The following LHFPL6 variants were observed in gnomAD, a reference collection of about 807,000 sequenced individuals.
LHFPL6 encodes the protein LHFPL tetraspan subfamily member 6.
LHFPL6 carries 9 observed loss-of-function variants against 20.6 expected under a neutral mutation model. The ratio of observed to expected loss-of-function variants is 0.44; its 90% CI spans 0.26 to 0.76. The LOEUF (loss-of-function observed/expected upper bound fraction) is 0.76. Ranked by LOEUF, LHFPL6 falls within the 30% of genes least tolerant of loss-of-function variation. The pLI is 0.20. For synonymous variants in LHFPL6, 105 were observed against 98.7 expected (o/e 1.06, Z -0.38); for missense variants, 218 against 253.5 (o/e 0.86, Z 0.95).
Position 39,472,269 on chromosome 13 carries a change from T to C in LHFPL6, c.386-93743A>G, listed in dbSNP as rs537149902. On this transcript the variant is annotated intron_variant, in intron 2 of 3. Transcript: ENST00000379589. Reference sequence around the variant, plus strand: ...CTAACAAGTAAAAATCACTGATTCCTTTCCATCCAATCCGAGATGCCTTCC... The same window carrying C: ...CTAACAAGTAAAAATCACTGATTCCCTTCCATCCAATCCGAGATGCCTTCC... 3.3e-5 allele frequency among the ~76,000 whole-genome samples: 5 copies of C among 152,334 alleles called. No individual in the cohort carries two copies. In the East Asian group the frequency reaches 9.7e-4, roughly 29 times the overall value.
At chr13:39,464,169 G>A (rs375831716) in intron 2 of LHFPL6, among the ~76,000 whole-genome samples, 6 of 152,176 alleles carry the variant, frequency 3.9e-5, no homozygotes, top group African/African-American at 1.2e-4. Context: ...CCATGAATTA[G>A]GACTCAAAAG....
chr13:39,578,245 G>A (rs1381271595), intron 2 of LHFPL6, among the ~76,000 whole-genome samples: 1 of 152,030 alleles, frequency 6.6e-6, no homozygotes, highest in African/African-American at 2.4e-5. Context: ...TAGGACAAAA[G>A]CACCCTACTA....
At chr13:39,346,723 T>A (rs1869409354) in intron 3 of LHFPL6, among the ~76,000 whole-genome samples, 2 of 152,112 alleles carry the variant, frequency 1.3e-5, no homozygotes, top group Admixed American at 1.3e-4. Flanking sequence ...GCTGTCTTTT[T>A]AAAAATCAAT....
intron 2 of LHFPL6, among the ~76,000 whole-genome samples, chr13:39,597,535 T>C (rs1872806493): frequency 6.6e-6 from 1 of 152,222 alleles, no homozygotes; most frequent in Non-Finnish European, 1.5e-5. Context: ...ACTATATACA[T>C]GTTAACATTT....
chr13:39,505,494 GTC>G (rs1405076030), intron 2 of LHFPL6, among the ~76,000 whole-genome samples: 2 of 151,076 alleles, frequency 1.3e-5, no homozygotes, highest in Admixed American at 6.6e-5. Context: ...TACGAGAACT[GTC>G]TAAAAAAAAA....
At chr13:39,397,824 G>A (rs1870882127) in intron 2 of LHFPL6, among the ~76,000 whole-genome samples, 1 of 150,986 alleles carries the variant, frequency 6.6e-6, no homozygotes, top group South Asian at 2.1e-4. Context: ...GGGTTACTCA[G>A]AAAGGCCCAA....
At chr13:39,350,112 C>T (rs976987282) in intron 3 of LHFPL6, among the ~76,000 whole-genome samples, 3 of 152,210 alleles carry the variant, frequency 2.0e-5, no homozygotes, top group Admixed American at 6.5e-5. Context: ...ACAATACAGA[C>T]AGAGTCTTTG....
chr13:39,479,884 A>G (rs1013553334), intron 2 of LHFPL6, among the ~76,000 whole-genome samples: 1 of 152,214 alleles, frequency 6.6e-6, no homozygotes, highest in Non-Finnish European at 1.5e-5. Flanking sequence ...ATTCCTACTT[A>G]CAAGTGCCAG....
intron 2 of LHFPL6, among the ~76,000 whole-genome samples, chr13:39,443,011 A>G (rs1240778191): frequency 6.6e-6 from 1 of 152,012 alleles, no homozygotes; most frequent in Non-Finnish European, 1.5e-5. Flanking sequence ...TGTGGCTTCA[A>G]TGCATCCTCC....
At chr13:39,489,531 A>T (rs1868842217) in intron 2 of LHFPL6, among the ~76,000 whole-genome samples, 1 of 147,338 alleles carries the variant, frequency 6.8e-6, no homozygotes, top group African/African-American at 2.5e-5. Context: ...ATATCAAAGG[A>T]ATGGAGAAGT....
intron 2 of LHFPL6, among the ~76,000 whole-genome samples, chr13:39,527,238 G>A (rs1870318821): frequency 6.6e-6 from 1 of 152,310 alleles, no homozygotes; most frequent in African/African-American, 2.4e-5. Flanking sequence ...TCTCCTTCAT[G>A]TCTTTTTTTC....
intron 2 of LHFPL6, among the ~76,000 whole-genome samples, chr13:39,452,632 GAT>G (rs1872480893): frequency 6.6e-6 from 1 of 152,178 alleles, no homozygotes; most frequent in African/African-American, 2.4e-5. Flanking sequence ...TCATTATGAT[GAT>G]ACCCAGACAC....
intron 2 of LHFPL6, among the ~76,000 whole-genome samples, chr13:39,514,479 C>A (rs1869833959): frequency 6.6e-6 from 1 of 152,196 alleles, no homozygotes; most frequent in Admixed American, 6.5e-5. Flanking sequence ...AGGTATTGTA[C>A]CTGCTCTGAA....
chr13:39,585,408 C>T (rs1168775196), intron 2 of LHFPL6, among the ~76,000 whole-genome samples: 1 of 152,172 alleles, frequency 6.6e-6, no homozygotes, highest in African/African-American at 2.4e-5. Context: ...GCCTTCAATG[C>T]AATTGGCTCT....
intron 2 of LHFPL6, among the ~76,000 whole-genome samples, chr13:39,509,984 T>C (rs900883921): frequency 5.3e-5 from 8 of 152,128 alleles, no homozygotes; most frequent in African/African-American, 1.7e-4. Context: ...AACCAGACGA[T>C]ATAAAAGTAA....
chr13:39,383,101 A>G (rs1018644382), intron 2 of LHFPL6, among the ~76,000 whole-genome samples: 14 of 152,132 alleles, frequency 9.2e-5, no homozygotes, highest in Non-Finnish European at 1.0e-4. Flanking sequence ...TATGCAACAA[A>G]TGTTTATTAG....
chr13:39,561,353 A>G (rs1044022911), intron 2 of LHFPL6, among the ~76,000 whole-genome samples: 1 of 152,172 alleles, frequency 6.6e-6, no homozygotes, highest in African/African-American at 2.4e-5. Context: ...TCAAACCTAC[A>G]GCATCAGAAT....
At chr13:39,511,435 T>C (rs1312543008) in intron 2 of LHFPL6, among the ~76,000 whole-genome samples, 1 of 151,262 alleles carries the variant, frequency 6.6e-6, no homozygotes, top group Non-Finnish European at 1.5e-5. Context: ...GCATTCTTTG[T>C]TCCTAACCCC....
At chr13:39,390,613 G>A (rs753309012) in intron 2 of LHFPL6, among the ~76,000 whole-genome samples, 9 of 152,172 alleles carry the variant, frequency 5.9e-5, no homozygotes, top group Non-Finnish European at 1.0e-4. Flanking sequence ...TTTAGGGGAT[G>A]GCTACCAGAC....
Sources: gnomAD v4.1 joint callset for allele counts (sites outside exome capture counted in the v4.1 genomes callset) on GRCh38, gnomAD v4.1.1 for gene constraint, MANE v1.5 for transcripts, NCBI Gene and HGNC (gene_info 2026-07-23, HGNC 2026-07-21) for gene names.